Variants in TNR observed in about 807,000 individuals in gnomAD.
TNR encodes the protein tenascin R.
Under a neutral mutation model 150.4 loss-of-function variants are expected in TNR, and 45 were observed. That is an observed-to-expected ratio of 0.30 (90% CI 0.24 to 0.38). TNR has a LOEUF of 0.38. Among genes scored for constraint, TNR ranks in the 10% least tolerant of loss-of-function variants. The probability of loss-of-function intolerance (pLI) is 1.00; values close to 1 mark genes in which losing one functional copy is unlikely to be tolerated. For synonymous variants in TNR, 687 were observed against 678.4 expected, an observed-to-expected ratio of 1.01 and a Z score of -0.20; for missense variants, 1,544 against 1,759.1, an observed-to-expected ratio of 0.88 and a Z score of 2.19.
intron 1 of TNR, among the ~76,000 whole-genome samples, chr1:175,628,851 T>G (rs1028169224): frequency 6.6e-6 from 1 of 152,230 alleles, no homozygotes; most frequent in South Asian, 2.1e-4. Flanking sequence ...CAGATCCCTC[T>G]GGGCCTGCAG....
chr1:175,472,078 C>T (rs1363067114), intron 2 of TNR, among the ~76,000 whole-genome samples: 1 of 152,144 alleles, frequency 6.6e-6, no homozygotes, highest in Non-Finnish European at 1.5e-5. Flanking sequence ...TTCCAGGCTG[C>T]AGTGAGCTGT....
intron 1 of TNR, among the ~76,000 whole-genome samples, chr1:175,593,153 G>C (rs1662870036): frequency 6.6e-6 from 1 of 152,188 alleles, no homozygotes; most frequent in African/African-American, 2.4e-5. Context: ...ATCTGGTTGG[G>C]AGGCAGCAGG....
intron 1 of TNR, among the ~76,000 whole-genome samples, chr1:175,634,862 C>T (rs1664447131): frequency 6.6e-6 from 1 of 152,172 alleles, no homozygotes; most frequent in Admixed American, 6.5e-5. Context: ...CTACTTATTA[C>T]CAACCGCCCC....
At chr1:175,664,792 G>A (rs1346971459) in intron 1 of TNR, among the ~76,000 whole-genome samples, 1 of 152,214 alleles carries the variant, frequency 6.6e-6, no homozygotes, top group East Asian at 1.9e-4. Context: ...GATCAGCACA[G>A]ACTGACAAAA....
chr1:175,437,884 T>G (rs1655586619), intron 2 of TNR, among the ~76,000 whole-genome samples: 1 of 152,092 alleles, frequency 6.6e-6, no homozygotes, highest in South Asian at 2.1e-4. Flanking sequence ...AGGCAATAAT[T>G]AATAGCTTAC....
chr1:175,461,980 C>A (rs1018945979), intron 2 of TNR, among the ~76,000 whole-genome samples: 1 of 152,134 alleles, frequency 6.6e-6, no homozygotes, highest in Non-Finnish European at 1.5e-5. Context: ...ACTCTGCAAC[C>A]CTGGTTTCCA....
intron 2 of TNR, among the ~76,000 whole-genome samples, chr1:175,459,111 C>T (rs539850316): frequency 2.2e-4 from 33 of 152,014 alleles, no homozygotes; most frequent in African/African-American, 7.0e-4. Flanking sequence ...AATATTATTA[C>T]CATCACCATC....
intron 1 of TNR, among the ~76,000 whole-genome samples, chr1:175,629,702 G>C (rs1664265410): frequency 6.6e-6 from 1 of 152,154 alleles, no homozygotes; most frequent in African/African-American, 2.4e-5. Flanking sequence ...CATGGTCAAA[G>C]TGGAGATTTG....
intron 2 of TNR, among the ~76,000 whole-genome samples, chr1:175,435,176 G>A (rs1447507641): frequency 6.6e-6 from 1 of 152,184 alleles, no homozygotes; most frequent in African/African-American, 2.4e-5. Context: ...TTGGGGAGGG[G>A]TGCAAGTTGG....
chr1:175,611,728 A>G (rs1241589916), intron 1 of TNR, among the ~76,000 whole-genome samples: 2 of 152,176 alleles, frequency 1.3e-5, no homozygotes, highest in Non-Finnish European at 1.5e-5. Context: ...ACAAGTGCCT[A>G]TGGAACACTG....
intron 1 of TNR, among the ~76,000 whole-genome samples, chr1:175,541,783 A>C (rs1660509070): frequency 6.6e-6 from 1 of 152,134 alleles, no homozygotes. Context: ...GTTCAACCCC[A>C]CCCCTGGCTC....
intron 2 of TNR, among the ~76,000 whole-genome samples, chr1:175,500,812 C>A (rs936790249): frequency 6.6e-6 from 1 of 152,216 alleles, no homozygotes; most frequent in African/African-American, 2.4e-5. Context: ...ACGCTTAGAC[C>A]TTTGGCTGGC....
At chr1:175,414,558 T>G (rs1357125591) in intron 2 of TNR, among the ~76,000 whole-genome samples, 1 of 152,204 alleles carries the variant, frequency 6.6e-6, no homozygotes, top group East Asian at 1.9e-4. Context: ...AGCTTCCTTA[T>G]CAATATAATT....
At chr1:175,480,419 A>AAAGAAAGAAAGAAAGAAAG (rs1657741580) in intron 2 of TNR, among the ~76,000 whole-genome samples, 2 of 110,936 alleles carry the variant, frequency 1.8e-5, no homozygotes, top group Non-Finnish European at 4.0e-5. Context: ...AAAGAAAGAA[A>AAAGAAAGAAAGAAAGAAAG]AAAGAAAGAA....
chr1:175,410,038 G>A (rs538424471), intron 2 of TNR, among the ~76,000 whole-genome samples: 5 of 152,328 alleles, frequency 3.3e-5, no homozygotes, highest in African/African-American at 7.2e-5. Flanking sequence ...AGGGCAGGTC[G>A]ACATTGTATA....
At chr1:175,476,893 T>C (rs1266757853) in intron 2 of TNR, among the ~76,000 whole-genome samples, 1 of 152,150 alleles carries the variant, frequency 6.6e-6, no homozygotes, top group African/African-American at 2.4e-5. Flanking sequence ...GTAACAGCAC[T>C]AGGGAGCATC....
intron 1 of TNR, among the ~76,000 whole-genome samples, chr1:175,673,852 A>C (rs908810387): frequency 2.0e-5 from 3 of 152,272 alleles, no homozygotes; most frequent in African/African-American, 7.2e-5. Flanking sequence ...ACAGAGCCAC[A>C]AAAGATGCAC....
intron 2 of TNR, among the ~76,000 whole-genome samples, chr1:175,468,803 G>A (rs984984014): frequency 6.6e-6 from 1 of 152,158 alleles, no homozygotes; most frequent in Non-Finnish European, 1.5e-5. Flanking sequence ...AGGAGGTGGG[G>A]CCAGCCTGGT....
intron 2 of TNR, among the ~76,000 whole-genome samples, chr1:175,481,567 C>T (rs1657810670): frequency 6.6e-6 from 1 of 152,124 alleles, no homozygotes; most frequent in African/African-American, 2.4e-5. Context: ...GTCCACAACA[C>T]AGTAGAATGA....
Sources: gnomAD v4.1 joint callset for allele counts (sites outside exome capture counted in the v4.1 genomes callset) on GRCh38, gnomAD v4.1.1 for gene constraint, MANE v1.5 for transcripts, NCBI Gene and HGNC (gene_info 2026-07-23, HGNC 2026-07-21) for gene names.